DIP2C: variants seen among roughly 807,000 people sequenced by gnomAD.
The protein encoded by DIP2C is disco-interacting protein 2 homolog C.
A neutral mutation model predicts 192.4 loss-of-function variants in DIP2C; 33 were observed. The observed-to-expected ratio is 0.17, with a 90% CI of 0.13 to 0.23. The LOEUF is 0.23. Ranked by LOEUF, DIP2C falls within the 10% of genes least tolerant of loss-of-function variation. The probability of loss-of-function intolerance (pLI) is 1.00; values close to 1 mark genes in which losing one functional copy is unlikely to be tolerated. For missense variants in DIP2C, 1,537 were observed against 2,110.1 expected (o/e 0.73, Z 5.32); for synonymous variants, 979 against 864.1 (o/e 1.13, Z -2.33).
Position 498,234 on chromosome 10 carries a change from G to A in DIP2C, c.86-11704C>T, listed in dbSNP as rs187096064. On this transcript the variant is annotated intron_variant, in intron 1 of 36. Transcript: ENST00000280886. Reference sequence around the variant, plus strand: ...CTCTTGCTATCCAGCTGGCTTCCCCGGCTGCAGTGATGCTGCTGCTGTTTG... The same window carrying A: ...CTCTTGCTATCCAGCTGGCTTCCCCAGCTGCAGTGATGCTGCTGCTGTTTG... 7.9e-5 allele frequency among the ~76,000 whole-genome samples: 12 copies of A among 152,268 alleles called. No individual in the cohort carries two copies. In the East Asian group the frequency reaches 1.4e-3, roughly 17 times the overall value.
At chr10:408,757 C>CA (rs1438175147) in intron 9 of DIP2C, among the ~76,000 whole-genome samples, 169 bp downstream of exon 9, 2 of 152,154 alleles carry the variant, frequency 1.3e-5, no homozygotes, top group Non-Finnish European at 2.9e-5. Flanking sequence ...ATGGAGACAC[C>CA]ATTAATAGTA....
At chr10:306,410 T>C (rs1249077318) in intron 32 of DIP2C, among the ~76,000 whole-genome samples, 1 of 152,170 alleles carries the variant, frequency 6.6e-6, no homozygotes, top group East Asian at 1.9e-4. Flanking sequence ...TTCTTGTGCG[T>C]GTGCACATTC....
At chr10:622,214 C>A (rs1853891438) in intron 1 of DIP2C, among the ~76,000 whole-genome samples, 1 of 147,416 alleles carries the variant, frequency 6.8e-6, no homozygotes, top group Admixed American at 6.8e-5. Context: ...GCGGAAGATT[C>A]CAGAAGTCTC....
At chr10:509,278 A>G (rs1269815106) in intron 1 of DIP2C, among the ~76,000 whole-genome samples, 6 of 152,332 alleles carry the variant, frequency 3.9e-5, no homozygotes, top group Admixed American at 3.3e-4. Context: ...TCCCGCACGC[A>G]CCGATATCTT....
At chr10:649,464 G>A (rs1355830107) in intron 1 of DIP2C, among the ~76,000 whole-genome samples, 2 of 152,330 alleles carry the variant, frequency 1.3e-5, no homozygotes, top group South Asian at 2.1e-4. Context: ...TGACCTTCAC[G>A]AATTTTCAGG....
At chr10:519,669 G>T (rs746732375) in intron 1 of DIP2C, among the ~76,000 whole-genome samples, 1 of 152,256 alleles carries the variant, frequency 6.6e-6, no homozygotes, top group African/African-American at 2.4e-5. Context: ...GCTGAGTCAG[G>T]ATCAACCGCA....
chr10:438,425 A>AGG (rs1352521453), intron 4 of DIP2C, among the ~76,000 whole-genome samples: 2 of 152,252 alleles, frequency 1.3e-5, no homozygotes. Flanking sequence ...CAAAGAACAC[A>AGG]TACAAATAAC....
At chr10:463,628 T>C (rs999680535) in intron 3 of DIP2C, among the ~76,000 whole-genome samples, 5 of 152,146 alleles carry the variant, frequency 3.3e-5, no homozygotes, top group Non-Finnish European at 7.4e-5. Flanking sequence ...CTTCACAGAA[T>C]TGGAAAAAAC....
chr10:681,890 T>G (rs1236158648), intron 1 of DIP2C, among the ~76,000 whole-genome samples: 1 of 152,230 alleles, frequency 6.6e-6, no homozygotes, highest in Non-Finnish European at 1.5e-5. Context: ...CAACTGTGCC[T>G]GTGGAGGGCC....
intron 1 of DIP2C, among the ~76,000 whole-genome samples, chr10:537,987 T>C (rs1215952017): frequency 1.3e-5 from 2 of 152,076 alleles, no homozygotes; most frequent in Non-Finnish European, 2.9e-5. Context: ...ACAGGGTTTC[T>C]CCATGTTGGC....
chr10:567,198 GTT>G (rs34057667), intron 1 of DIP2C, among the ~76,000 whole-genome samples: 40,629 of 151,076 alleles, frequency 0.27, 8,539 homozygotes, highest in African/African-American at 0.59. Flanking sequence ...GTTTTGTTTT[GTT>G]TTTTTTAAGA....
chr10:598,686 T>G (rs1350135744), intron 1 of DIP2C, among the ~76,000 whole-genome samples: 1 of 152,098 alleles, frequency 6.6e-6, no homozygotes, highest in Non-Finnish European at 1.5e-5. Context: ...GCATGAGAGC[T>G]CAAGAGAAAA....
At chr10:448,862 G>A (rs1177940858) in intron 3 of DIP2C, among the ~76,000 whole-genome samples, 2 of 86,608 alleles carry the variant, frequency 2.3e-5, no homozygotes, top group Admixed American at 1.1e-4. Flanking sequence ...AGCAGGACCT[G>A]CTCACTCCCG....
chr10:305,953 G>C (rs35610094), intron 32 of DIP2C, among the ~76,000 whole-genome samples: 2 of 137,880 alleles, frequency 1.5e-5, no homozygotes, highest in Admixed American at 7.7e-5. Flanking sequence ...CCTTAAAACC[G>C]CATCTTCAAA....
At chr10:447,767 C>T (rs1217110584) in intron 3 of DIP2C, among the ~76,000 whole-genome samples, 1 of 106,310 alleles carries the variant, frequency 9.4e-6, no homozygotes, top group Non-Finnish European at 1.7e-5. Context: ...ACCCACTCAT[C>T]CCCGTCTATA....
At chr10:378,576 C>A (rs1487661766) in intron 17 of DIP2C, among the ~76,000 whole-genome samples, 1 of 114,340 alleles carries the variant, frequency 8.7e-6, no homozygotes, top group African/African-American at 3.5e-5. Context: ...AACATGCAGA[C>A]ATGTGAACGC....
At chr10:531,897 T>C (rs563060906) in intron 1 of DIP2C, among the ~76,000 whole-genome samples, 4 of 152,316 alleles carry the variant, frequency 2.6e-5, no homozygotes, top group South Asian at 2.1e-4. Flanking sequence ...ACAACTACCA[T>C]ATTCTGTGGC....
intron 32 of DIP2C, among the ~76,000 whole-genome samples, chr10:296,083 T>C (rs1381100957): frequency 6.6e-6 from 1 of 152,260 alleles, no homozygotes; most frequent in Non-Finnish European, 1.5e-5. Flanking sequence ...CTGTTTGCTC[T>C]GATGGTAGTT....
rs1202940043 is a variant in DIP2C, at chr10:422,983, C to T, written c.445G>A (p.Gly149Ser). 1 of 1,614,076 alleles carries T rather than the reference C, an allele frequency of 6.2e-7. No homozygotes were observed. Among genetic ancestry groups the T allele is most frequent in the Non-Finnish European group, 8.5e-7 (1 of 1,180,000 alleles). The change falls in exon 5 of 37, where the codon GGC becomes AGC. Residue 149 changes from glycine (G) to serine (S), a missense_variant. Around this residue, in one of 4 missense-constraint regions of DIP2C, gnomAD observed 473 missense variants for 539.6 expected, o/e 0.88. Transcript: ENST00000280886. ...CTGCCCTGGCTGGAGGTGGGGGTGC[C>T]CTGGGAGTCCCCCTGCACTGAGCCT... ...DEGSVQGDSQGTPTSSQGSIN... is the reference protein window; with the variant it reads ...DEGSVQGDSQSTPTSSQGSIN...
Sources: allele counts gnomAD v4.1 joint callset (sites outside exome capture counted in the v4.1 genomes callset), GRCh38; gene constraint gnomAD v4.1.1; regional missense constraint gnomAD v4.1.1; transcripts MANE v1.5; gene names NCBI Gene and HGNC (gene_info 2026-07-23, HGNC 2026-07-21).